The following DLG2 variants were observed in gnomAD, a reference collection of about 807,000 sequenced individuals.
The protein encoded by DLG2 is discs large MAGUK scaffold protein 2, also known as disks large homolog 2.
A neutral mutation model predicts 132.5 loss-of-function variants in DLG2; 45 were observed. That is an observed-to-expected ratio of 0.34 (90% CI 0.27 to 0.44). DLG2 has a LOEUF of 0.44. Ranked by LOEUF, DLG2 falls within the 20% of genes least tolerant of loss-of-function variation. The pLI is 1.00. For missense variants in DLG2, 1,045 were observed against 1,196.9 expected (o/e 0.87, Z 1.87); for synonymous variants, 424 against 419.6 (o/e 1.01, Z -0.13).
intron 11 of DLG2, among the ~76,000 whole-genome samples, chr11:84,030,392 G>T (rs564427004): frequency 6.6e-6 from 1 of 152,154 alleles, no homozygotes; most frequent in African/African-American, 2.4e-5. Flanking sequence ...CAAAAGCATA[G>T]AACTATAAAT....
intron 6 of DLG2, among the ~76,000 whole-genome samples, chr11:84,998,871 T>C (rs542990138): frequency 6.6e-6 from 1 of 152,124 alleles, no homozygotes; most frequent in African/African-American, 2.4e-5. Flanking sequence ...GACATGCTAT[T>C]CCTAAAAGTA....
At chr11:83,550,947 T>G (rs2096374835) in intron 19 of DLG2, among the ~76,000 whole-genome samples, 1 of 152,164 alleles carries the variant, frequency 6.6e-6, no homozygotes, top group Non-Finnish European at 1.5e-5. Context: ...TAACCTGGCA[T>G]GGAATTTTAT....
chr11:85,520,515 C>CCACACACACACACACACACACACACA (rs3068471), intron 3 of DLG2, among the ~76,000 whole-genome samples: 1 of 148,038 alleles, frequency 6.8e-6, no homozygotes, highest in African/African-American at 2.5e-5. Flanking sequence ...GTATATGGAA[C>CCACACACACACACACACACACACACA]CACACACACA....
chr11:84,922,933 TAAAAC>T, intron 6 of DLG2: 3 of 974,330 alleles, frequency 3.1e-6, no homozygotes, highest in Non-Finnish European at 4.7e-6. Flanking sequence ...ACGGCAACAA[TAAAAC>T]AAAGCCTTTG....
chr11:85,191,162 G>GCGCGCGCGCACACACACA (rs34410192), intron 4 of DLG2, among the ~76,000 whole-genome samples: 1 of 139,842 alleles, frequency 7.2e-6, no homozygotes, highest in African/African-American at 2.8e-5. Context: ...GCGCACGCGC[G>GCGCGCGCGCACACACACA]CACACACACA....
chr11:84,057,062 C>A (rs564274441), intron 11 of DLG2, among the ~76,000 whole-genome samples: 1 of 152,108 alleles, frequency 6.6e-6, no homozygotes, highest in Non-Finnish European at 1.5e-5. Flanking sequence ...CCTAGGTATA[C>A]CAAGTTGATT....
intron 3 of DLG2, among the ~76,000 whole-genome samples, chr11:85,517,598 A>T (rs2094194335): frequency 6.6e-6 from 1 of 152,080 alleles, no homozygotes; most frequent in Non-Finnish European, 1.5e-5. Flanking sequence ...AAAAATCAGT[A>T]GCATTTCTTT....
chr11:83,635,620 A>C (rs7949429), intron 18 of DLG2, among the ~76,000 whole-genome samples: 44,873 of 152,038 alleles, frequency 0.3, 8,122 homozygotes, highest in African/African-American at 0.51. Flanking sequence ...TACACACATA[A>C]CCATACAAAC....
At chr11:84,274,093 T>C (rs2097762556) in intron 7 of DLG2, among the ~76,000 whole-genome samples, 1 of 152,180 alleles carries the variant, frequency 6.6e-6, no homozygotes, top group Non-Finnish European at 1.5e-5. Context: ...GAAATATGCA[T>C]GTGCACTTCG....
At chr11:83,461,787 C>G in intron 27 of DLG2, 2 of 513,602 alleles carry the variant, frequency 3.9e-6, no homozygotes. Flanking sequence ...TGGTGGGAAC[C>G]TGGGAGCTGG....
intron 2 of DLG2, among the ~76,000 whole-genome samples, chr11:85,603,380 C>T (rs1213468763): frequency 6.6e-6 from 1 of 151,964 alleles, no homozygotes; most frequent in Admixed American, 6.6e-5. Flanking sequence ...TTATACTATA[C>T]CTCTCTCTCT....
At chr11:85,426,471 G>A (rs543849096) in intron 3 of DLG2, among the ~76,000 whole-genome samples, 63 of 152,258 alleles carry the variant, frequency 4.1e-4, no homozygotes, top group African/African-American at 1.3e-3. Context: ...CTGTTCACCA[G>A]TATCCGCTGT....
chr11:83,590,528 A>G (rs1048912922), intron 19 of DLG2, among the ~76,000 whole-genome samples: 3 of 151,796 alleles, frequency 2.0e-5, no homozygotes, highest in African/African-American at 7.3e-5. Context: ...AATGCCCACA[A>G]GAGAAAGCAG....
chr11:83,615,700 T>A (rs1049099591), intron 19 of DLG2, among the ~76,000 whole-genome samples: 3 of 152,180 alleles, frequency 2.0e-5, no homozygotes, highest in African/African-American at 7.2e-5. Flanking sequence ...TTGTTGATTC[T>A]GAAGATGGAA....
intron 7 of DLG2, among the ~76,000 whole-genome samples, chr11:84,495,884 A>G (rs1217833241): frequency 6.6e-6 from 1 of 152,190 alleles, no homozygotes; most frequent in Non-Finnish European, 1.5e-5. Flanking sequence ...ACAATGTCAG[A>G]GGAACATGTT....
intron 3 of DLG2, among the ~76,000 whole-genome samples, chr11:85,406,506 T>C (rs1482909922): frequency 1.3e-5 from 2 of 151,848 alleles, no homozygotes; most frequent in Non-Finnish European, 2.9e-5. Context: ...TGCTGTGGTG[T>C]GTCATCATGT....
intron 6 of DLG2, among the ~76,000 whole-genome samples, chr11:84,690,470 G>A (rs1369852906): frequency 6.6e-6 from 1 of 150,810 alleles, no homozygotes; most frequent in Non-Finnish European, 1.5e-5. Context: ...AAAAGAAAAA[G>A]AAAAGTCACT....
intron 21 of DLG2, among the ~76,000 whole-genome samples, chr11:83,509,432 A>G (rs1330481033): frequency 6.6e-6 from 1 of 152,148 alleles, no homozygotes; most frequent in Admixed American, 6.5e-5. Context: ...TACAGAGCAT[A>G]TTTTCCTTCC....
rs78215529 is a variant in DLG2 at position 84,252,044 on chromosome 11, C to G, written c.520-753G>C. ...TTCATAGTTATTCTCTTCAAACTGC[C>G]TTTTGAGAGTATGCTATATTCAATA... On this transcript the variant is annotated intron_variant, in intron 7 of 27. Coordinates refer to ENST00000376104, the MANE Select transcript of DLG2 (RefSeq NM_001142699.3). 7.2e-3 allele frequency among the ~76,000 whole-genome samples: 1,093 copies of G among 151,662 alleles called. 9 individuals carry two copies. The highest frequency in any genetic ancestry group is 0.025 in the African/African-American group (1,018 of 41,332).
Sources: gnomAD v4.1 joint callset for allele counts (sites outside exome capture counted in the v4.1 genomes callset) on GRCh38, gnomAD v4.1.1 for gene constraint, MANE v1.5 for transcripts, NCBI Gene and HGNC (gene_info 2026-07-23, HGNC 2026-07-21) for gene names.